CDKAL1: variants seen among roughly 807,000 people sequenced by gnomAD.
The protein encoded by CDKAL1 is CDKAL1 threonylcarbamoyladenosine tRNA methylthiotransferase.
CDKAL1 carries 32 observed loss-of-function variants against 68.2 expected under a neutral mutation model. The observed-to-expected ratio is 0.47, with a 90% CI of 0.35 to 0.63. The LOEUF is 0.63. CDKAL1 is among the 30% of genes least tolerant of loss of function. The pLI is 0.00. For missense variants in CDKAL1, 606 were observed against 696.7 expected (o/e 0.87, Z 1.47); for synonymous variants, 234 against 244.3 (o/e 0.96, Z 0.39).
chr6:20,794,460 G>T (rs1432272257), intron 8 of CDKAL1, among the ~76,000 whole-genome samples: 1 of 151,952 alleles, frequency 6.6e-6, no homozygotes, highest in Non-Finnish European at 1.5e-5. Flanking sequence ...GACTTTTTTT[G>T]TAAGAGATGG....
At chr6:20,868,389 G>A (rs933044158) in intron 9 of CDKAL1, among the ~76,000 whole-genome samples, 25 of 152,122 alleles carry the variant, frequency 1.6e-4, no homozygotes, top group African/African-American at 6.0e-4. Context: ...TACACACTAG[G>A]TTGGTACATT....
chr6:20,781,201 G>A lies in CDKAL1; in HGVS notation c.574G>A (p.Ala192Thr), dbSNP rs1350571196. The A allele has an allele frequency of 6.2e-7, 1 of 1,613,796 alleles. No homozygotes were observed. The highest frequency in any genetic ancestry group is 1.1e-5 in the South Asian group (1 of 91,068). Residue 192 changes from alanine (A) to threonine (T), a missense_variant, in exon 8 of 16, where the codon GCA becomes ACA. Coordinates refer to ENST00000274695, the MANE Select transcript of CDKAL1 (RefSeq NM_017774.3). ...GGATAATGGAAGGCGGCTTGGGGGA[G>A]CACGATTGGATTTGCCGAAGATTAG... is the stretch of plus-strand genomic sequence containing the variant. ...KKDNGRRLGG[A>T]RLDLPKIRKN...
intron 9 of CDKAL1, among the ~76,000 whole-genome samples, chr6:20,856,468 C>G (rs987633697): frequency 6.6e-6 from 1 of 152,132 alleles, no homozygotes; most frequent in Non-Finnish European, 1.5e-5. Flanking sequence ...TTTTATAACA[C>G]CAGATATGTA....
chr6:20,993,744 T>G (rs1581985610), intron 10 of CDKAL1, among the ~76,000 whole-genome samples: 1 of 152,258 alleles, frequency 6.6e-6, no homozygotes, highest in Non-Finnish European at 1.5e-5. Context: ...TTTATTTTTT[T>G]CTTTATATTT....
intron 11 of CDKAL1, among the ~76,000 whole-genome samples, chr6:21,062,278 G>C (rs1345802955): frequency 6.6e-6 from 1 of 152,078 alleles, no homozygotes; most frequent in African/African-American, 2.4e-5. Flanking sequence ...TAGGAGAGAT[G>C]GACTATTCTC....
intron 4 of CDKAL1, among the ~76,000 whole-genome samples, chr6:20,594,536 A>G (rs1485547606): frequency 6.6e-6 from 1 of 152,024 alleles, no homozygotes; most frequent in Non-Finnish European, 1.5e-5. Flanking sequence ...TGCTTGGTAA[A>G]TATTCCTCCA....
At chr6:20,644,521 C>CA (rs903388002) in intron 4 of CDKAL1, among the ~76,000 whole-genome samples, 84 of 151,084 alleles carry the variant, frequency 5.6e-4, no homozygotes, top group Admixed American at 2.0e-3. Flanking sequence ...ACTAAAAATA[C>CA]AAAAAAAAAT....
chr6:20,923,585 C>G (rs893117434), intron 9 of CDKAL1, among the ~76,000 whole-genome samples: 64 of 152,246 alleles, frequency 4.2e-4, no homozygotes, highest in African/African-American at 1.5e-3. Context: ...CATTCATCTC[C>G]CTCTCTCTGT....
At chr6:21,084,127 G>A (rs1772569729) in intron 12 of CDKAL1, among the ~76,000 whole-genome samples, 1 of 152,122 alleles carries the variant, frequency 6.6e-6, no homozygotes, top group Non-Finnish European at 1.5e-5. Flanking sequence ...AAAACTCTCA[G>A]TGGTTTAGTT....
chr6:20,601,565 TCTC>T (rs998830136), intron 4 of CDKAL1, among the ~76,000 whole-genome samples: 5 of 152,094 alleles, frequency 3.3e-5, no homozygotes, highest in African/African-American at 9.7e-5. Flanking sequence ...TCTCAGAGCC[TCTC>T]CTCTGTTAGC....
Position 21,231,020 on chromosome 6 carries a change from T to C in CDKAL1, c.1721T>C (p.Phe574Ser). 5.0e-6 allele frequency: 8 copies of C among 1,607,536 alleles called. No homozygotes were observed. The highest frequency in any genetic ancestry group is 6.8e-6 in the Non-Finnish European group (8 of 1,175,578). ...LALLGLLFAFFVKVYN is the reference protein window; with the variant it reads ...LALLGLLFAFSVKVYN ...CTGCTGGGTCTTCTTTTTGCTTTTTTTGTCAAGGTCTATAATTAGAATACA... is the reference window on the plus strand; with the variant it reads ...CTGCTGGGTCTTCTTTTTGCTTTTTCTGTCAAGGTCTATAATTAGAATACA... The change falls in exon 16 of 16, where the codon TTT becomes TCT. Residue 574 changes from phenylalanine to serine, a missense_variant. Physicochemically the swap from Phe to Ser is radical, Grantham distance 155. Coordinates refer to ENST00000274695, the MANE Select transcript of CDKAL1 (RefSeq NM_017774.3).
chr6:20,970,218 C>G (rs1765524005), intron 10 of CDKAL1, among the ~76,000 whole-genome samples: 1 of 152,092 alleles, frequency 6.6e-6, no homozygotes, highest in South Asian at 2.1e-4. Flanking sequence ...CAAGTGGCTT[C>G]CAGGCTGCTG....
chr6:20,614,271 A>G (rs763478609), intron 4 of CDKAL1, among the ~76,000 whole-genome samples: 3 of 152,038 alleles, frequency 2.0e-5, no homozygotes, highest in Non-Finnish European at 4.4e-5. Flanking sequence ...AGTTCACTTT[A>G]TCAGTGTTTT....
intron 5 of CDKAL1, among the ~76,000 whole-genome samples, chr6:20,736,312 C>G (rs1358723227): frequency 6.6e-6 from 1 of 152,140 alleles, no homozygotes; most frequent in Admixed American, 6.5e-5. Context: ...GACCTTATGA[C>G]CAGCAAAGCT....
chr6:21,064,282 G>A (rs996316864), intron 11 of CDKAL1, among the ~76,000 whole-genome samples: 3 of 152,052 alleles, frequency 2.0e-5, no homozygotes, highest in Non-Finnish European at 2.9e-5. Flanking sequence ...CAAGAATTAA[G>A]AAGACTTAGG....
At position 20,962,888 on chromosome 6, in the gene CDKAL1, G is replaced by T. The variant is rs186110268; in HGVS notation, c.909+7303G>T. On this transcript the variant is annotated intron_variant, in intron 10 of 15. Transcript: ENST00000274695. The stretch of plus-strand genomic sequence containing the variant: ...GTGGTTTGATCTAACTGTTGGCACT[G>T]TTTTTTGCCATTTATAATCATCAGT... 2.3e-3 allele frequency among the ~76,000 whole-genome samples: 345 copies of T among 152,274 alleles called. 9 individuals carry two copies. Among genetic ancestry groups the T allele is most frequent in the Admixed American group, 0.011 (168 of 15,298 alleles).
At chr6:20,593,938 A>G (rs1765705908) in intron 4 of CDKAL1, among the ~76,000 whole-genome samples, 1 of 152,028 alleles carries the variant, frequency 6.6e-6, no homozygotes, top group Non-Finnish European at 1.5e-5. Flanking sequence ...TTATTTACCC[A>G]GAGTCATTCA....
intron 13 of CDKAL1, among the ~76,000 whole-genome samples, chr6:21,166,174 G>T (rs1382900825): frequency 6.6e-6 from 1 of 152,198 alleles, no homozygotes; most frequent in Non-Finnish European, 1.5e-5. Context: ...GGAAGAAAAA[G>T]GGGGTAGTCG....
intron 12 of CDKAL1, among the ~76,000 whole-genome samples, chr6:21,072,045 G>A (rs1475405434): frequency 6.6e-6 from 1 of 152,160 alleles, no homozygotes; most frequent in African/African-American, 2.4e-5. Context: ...ACTGGTACAC[G>A]CCACATTAAC....
Sources: allele counts gnomAD v4.1 joint callset (sites outside exome capture counted in the v4.1 genomes callset), GRCh38; gene constraint gnomAD v4.1.1; transcripts MANE v1.5; gene names NCBI Gene and HGNC (gene_info 2026-07-23, HGNC 2026-07-21).